Variants in PTPRN2 observed in about 807,000 individuals in gnomAD.
PTPRN2 encodes receptor-type tyrosine-protein phosphatase N2.
A neutral mutation model predicts 118.8 loss-of-function variants in PTPRN2; 74 were observed. The observed-to-expected ratio is 0.62, with a 90% confidence interval of 0.52 to 0.76. PTPRN2 has a LOEUF of 0.76. Ranked by LOEUF, PTPRN2 falls within the 30% of genes least tolerant of loss-of-function variation. PTPRN2 has a pLI of 0.00. For missense variants in PTPRN2, 1,481 were observed against 1,394.4 expected, an observed-to-expected ratio of 1.06 and a Z score of -0.99; for synonymous variants, 641 against 608.0, an observed-to-expected ratio of 1.05 and a Z score of -0.80.
At chr7:157,586,785 C>T (rs964670818) in intron 17 of PTPRN2, among the ~76,000 whole-genome samples, 5 of 152,184 alleles carry the variant, frequency 3.3e-5, no homozygotes, top group Non-Finnish European at 5.9e-5. Context: ...CTGTCCGGGA[C>T]ACTCAGGGCC....
At chr7:158,038,791 GTA>G (rs1808256870) in intron 11 of PTPRN2, among the ~76,000 whole-genome samples, 1 of 149,886 alleles carries the variant, frequency 6.7e-6, no homozygotes, top group South Asian at 2.1e-4. Flanking sequence ...TGTAAAATAT[GTA>G]TTTCTAGAAT....
intron 2 of PTPRN2, among the ~76,000 whole-genome samples, chr7:158,353,232 C>T (rs1808145922): frequency 6.6e-6 from 1 of 152,234 alleles, no homozygotes; most frequent in Non-Finnish European, 1.5e-5. Context: ...CCTGATGGGG[C>T]ACTCTAGCAT....
chr7:157,563,740 T>C (rs1156943055), intron 21 of PTPRN2, among the ~76,000 whole-genome samples: 1 of 139,890 alleles, frequency 7.1e-6, no homozygotes, highest in Non-Finnish European at 1.5e-5. Flanking sequence ...GACCACGTGC[T>C]CCCACATCAC....
chr7:157,976,578 G>T (rs1233637830), intron 11 of PTPRN2, among the ~76,000 whole-genome samples: 1 of 151,526 alleles, frequency 6.6e-6, no homozygotes, highest in Non-Finnish European at 1.5e-5. Context: ...GGATAGTCAC[G>T]CATGTGCCTG....
At chr7:157,913,363 G>A (rs961638300) in intron 11 of PTPRN2, among the ~76,000 whole-genome samples, 6 of 152,076 alleles carry the variant, frequency 3.9e-5, no homozygotes, top group Non-Finnish European at 8.8e-5. Context: ...ATAATGACAG[G>A]CTTGCTCCTT....
At chr7:158,056,529 G>A (rs928148465) in intron 11 of PTPRN2, among the ~76,000 whole-genome samples, 2 of 152,224 alleles carry the variant, frequency 1.3e-5, no homozygotes, top group African/African-American at 4.8e-5. Flanking sequence ...ATGGGCAGGA[G>A]AAGCCCCTGA....
chr7:158,155,650 T>TCACCATCAACACTATCAAC, intron 6 of PTPRN2, among the ~76,000 whole-genome samples: 1 of 2,020 alleles, frequency 5.0e-4, no homozygotes, highest in Admixed American at 6.7e-3. Context: ...CCGTCATCAT[T>TCACCATCAACACTATCAAC]GCCATCATCA....
chr7:157,982,136 C>T (rs4716861), intron 11 of PTPRN2, among the ~76,000 whole-genome samples: 5 of 89,408 alleles, frequency 5.6e-5, no homozygotes, highest in African/African-American at 4.4e-5. Context: ...CAGAGTGCAG[C>T]GTCCCCCATA....
intron 12 of PTPRN2, among the ~76,000 whole-genome samples, chr7:157,706,593 A>G (rs1482640370): frequency 6.6e-6 from 1 of 151,682 alleles, no homozygotes; most frequent in East Asian, 1.9e-4. Flanking sequence ...AATGCTGGGA[A>G]CTGGGTGAAT....
intron 3 of PTPRN2, among the ~76,000 whole-genome samples, chr7:158,266,681 G>A (rs541065356): frequency 1.1e-4 from 17 of 152,296 alleles, no homozygotes; most frequent in South Asian, 6.2e-4. Flanking sequence ...CTTAACCTGG[G>A]CAGAGAGACG....
chr7:158,402,665 G>A (rs1317330807), intron 2 of PTPRN2, among the ~76,000 whole-genome samples: 2 of 152,204 alleles, frequency 1.3e-5, no homozygotes, highest in African/African-American at 2.4e-5. Flanking sequence ...GCCCTGCGAT[G>A]TTCCTGCAGG....
chr7:157,987,129 G>T lies in PTPRN2; in HGVS notation c.1724-88392C>A, dbSNP rs2128839082. Reference sequence around the variant, plus strand: ...GGTCACAGCCAGCCATGAAACAGCTGCACTGCCCCAGCACGCCGCCCACGC... The same window carrying T: ...GGTCACAGCCAGCCATGAAACAGCTTCACTGCCCCAGCACGCCGCCCACGC... On this transcript the variant is annotated intron_variant, in intron 11 of 22. Coordinates refer to ENST00000389418, the MANE Select transcript of PTPRN2 (RefSeq NM_002847.5). This position sits in a 1 kb window ranked among gnomAD's most constrained non-coding sequence, Gnocchi z 4.3. Among the ~76,000 whole-genome samples the T allele has an allele frequency of 6.6e-6, 1 of 152,294 alleles. No homozygotes were observed. Among genetic ancestry groups the T allele is most frequent in the Middle Eastern group, 3.4e-3 (1 of 294 alleles).
chr7:157,642,814 C>CAAAAAAAAAAAAAA lies in PTPRN2; in HGVS notation c.2196+13529_2196+13542dup, dbSNP rs11335302. Among the ~76,000 whole-genome samples, 76 of 24,218 alleles carry CAAAAAAAAAAAAAA rather than the reference C, an allele frequency of 3.1e-3. 18 individuals carry two copies. The highest frequency in any genetic ancestry group is 8.9e-3 in the Admixed American group (10 of 1,118). 15.9% of individuals were successfully genotyped at this position (24,218 alleles called of 152,430 possible). On this transcript the variant is annotated intron_variant, in intron 14 of 22. Coordinates refer to ENST00000389418, the MANE Select transcript of PTPRN2 (RefSeq NM_002847.5). ...AAGGGTCTACCAAGTCAAGAAACAG[C>CAAAAAAAAAAAAAA]AAAAAAAAAAAAAAAAAAAAAAAAA...
intron 11 of PTPRN2, among the ~76,000 whole-genome samples, chr7:158,012,366 C>T (rs372914054): frequency 7.3e-4 from 111 of 152,208 alleles, no homozygotes; most frequent in African/African-American, 2.3e-3. Flanking sequence ...ATCACTCAGA[C>T]GGCAAATATT....
chr7:158,202,321 T>C (rs1291499338), intron 4 of PTPRN2, among the ~76,000 whole-genome samples: 1 of 152,198 alleles, frequency 6.6e-6, no homozygotes, highest in Non-Finnish European at 1.5e-5. Context: ...TATTCTCTCC[T>C]GGGCAGGGCC....
At chr7:158,305,060 G>A (rs1032512523) in intron 3 of PTPRN2, among the ~76,000 whole-genome samples, 21 of 152,138 alleles carry the variant, frequency 1.4e-4, no homozygotes, top group Non-Finnish European at 2.8e-4. Flanking sequence ...CTGTCTTCAC[G>A]CCTCTGTTCC....
chr7:158,348,092 C>G (rs1364389266), intron 2 of PTPRN2, among the ~76,000 whole-genome samples: 1 of 152,158 alleles, frequency 6.6e-6, no homozygotes, highest in African/African-American at 2.4e-5. Context: ...CTCCTACATG[C>G]TTTTCTCTGG....
At chr7:157,679,532 T>C (rs1796820683) in intron 13 of PTPRN2, among the ~76,000 whole-genome samples, 1 of 152,194 alleles carries the variant, frequency 6.6e-6, no homozygotes, top group Non-Finnish European at 1.5e-5. Context: ...GTCCATGAAA[T>C]AGTTCTATTT....
intron 6 of PTPRN2, among the ~76,000 whole-genome samples, chr7:158,145,868 C>G (rs929608120): frequency 6.6e-6 from 1 of 152,192 alleles, no homozygotes; most frequent in African/African-American, 2.4e-5. Context: ...TGACCATGCT[C>G]CCGGAGTCTT....
Sources: gnomAD v4.1 joint callset for allele counts (sites outside exome capture counted in the v4.1 genomes callset) on GRCh38, gnomAD v4.1.1 for gene constraint, Gnocchi (gnomAD v3.1) non-coding constraint, MANE v1.5 for transcripts, NCBI Gene and HGNC (gene_info 2026-07-23, HGNC 2026-07-21) for gene names.